Variants in STK39 observed in about 807,000 individuals in gnomAD.
STK39 encodes the protein STE20/SPS1-related proline-alanine-rich protein kinase.
Under a neutral mutation model 77.8 loss-of-function variants are expected in STK39, and 20 were observed. The observed-to-expected ratio is 0.26, with a 90% CI of 0.18 to 0.37. The LOEUF is 0.37. Among genes scored for constraint, STK39 ranks in the 10% least tolerant of loss-of-function variants. The pLI is 1.00. For missense variants in STK39, 479 were observed against 656.5 expected, an observed-to-expected ratio of 0.73 and a Z score of 2.95; for synonymous variants, 246 against 234.1, an observed-to-expected ratio of 1.05 and a Z score of -0.47.
intron 14 of STK39, among the ~76,000 whole-genome samples, chr2:168,047,610 T>C (rs1163459848): frequency 6.6e-6 from 1 of 152,142 alleles, no homozygotes; most frequent in Non-Finnish European, 1.5e-5. Context: ...GGCATGCTGG[T>C]AAATTCTCCA....
intron 14 of STK39, among the ~76,000 whole-genome samples, chr2:168,039,021 A>G (rs1685031849): frequency 1.3e-5 from 2 of 152,192 alleles, no homozygotes; most frequent in African/African-American, 4.8e-5. Flanking sequence ...TAACCCAGCC[A>G]TTGTACAACT....
intron 10 of STK39, among the ~76,000 whole-genome samples, chr2:168,105,431 C>A (rs1686944207): frequency 6.6e-6 from 1 of 152,216 alleles, no homozygotes; most frequent in South Asian, 2.1e-4. Flanking sequence ...AGATCAGACA[C>A]AATCTGAAAG....
chr2:167,998,148 C>T (rs964816227), intron 16 of STK39, among the ~76,000 whole-genome samples: 1 of 152,172 alleles, frequency 6.6e-6, no homozygotes, highest in Non-Finnish European at 1.5e-5. Flanking sequence ...TATCAGATGG[C>T]TTTACCAATG....
chr2:168,208,997 C>T (rs1227993827), intron 1 of STK39, among the ~76,000 whole-genome samples: 1 of 152,206 alleles, frequency 6.6e-6, no homozygotes, highest in Non-Finnish European at 1.5e-5. Flanking sequence ...CTCAGCCCAG[C>T]CTGACTGGTA....
chr2:168,096,417 G>C (rs2105442680), intron 10 of STK39, among the ~76,000 whole-genome samples: 1 of 152,202 alleles, frequency 6.6e-6, no homozygotes, highest in East Asian at 1.9e-4. Flanking sequence ...ACCTCATCAG[G>C]TTATTATGCA....
At chr2:168,074,548 G>C (rs1418531813) in intron 12 of STK39, among the ~76,000 whole-genome samples, 1 of 152,198 alleles carries the variant, frequency 6.6e-6, no homozygotes, top group Non-Finnish European at 1.5e-5. Context: ...ACTCAACCAA[G>C]AGTTTCTAAC....
chr2:168,173,555 A>ATT (rs150599656), intron 2 of STK39, among the ~76,000 whole-genome samples: 24 of 118,954 alleles, frequency 2.0e-4, no homozygotes, highest in African/African-American at 7.4e-4. Flanking sequence ...ATTTATATTT[A>ATT]TATTTATTTA....
intron 2 of STK39, among the ~76,000 whole-genome samples, chr2:168,178,414 T>A (rs887003222): frequency 6.6e-6 from 1 of 152,210 alleles, no homozygotes. Context: ...GCTATTCATA[T>A]CATACCAAGA....
intron 1 of STK39, among the ~76,000 whole-genome samples, chr2:168,205,450 T>C (rs1456077837): frequency 1.3e-5 from 2 of 152,146 alleles, no homozygotes; most frequent in African/African-American, 4.8e-5. Context: ...TACTTTATAA[T>C]ATTAAATCTT....
chr2:168,168,453 C>T (rs890630357), intron 2 of STK39, among the ~76,000 whole-genome samples: 5 of 152,120 alleles, frequency 3.3e-5, no homozygotes, highest in African/African-American at 1.2e-4. Flanking sequence ...AAAGAAACCT[C>T]ATTTTTGCCA....
intron 8 of STK39, among the ~76,000 whole-genome samples, chr2:168,130,277 T>C (rs1467125347): frequency 2.0e-5 from 3 of 152,202 alleles, no homozygotes; most frequent in Non-Finnish European, 2.9e-5. Context: ...TGAAGGTAAA[T>C]GCGATCGTGA....
At chr2:167,996,189 T>A (rs187505031) in intron 16 of STK39, among the ~76,000 whole-genome samples, 1 of 152,318 alleles carries the variant, frequency 6.6e-6, no homozygotes, top group African/African-American at 2.4e-5. Flanking sequence ...TCTTTTAAAT[T>A]TACTATCCAC....
chr2:168,033,294 T>C (rs904182360), intron 14 of STK39, among the ~76,000 whole-genome samples: 1 of 151,844 alleles, frequency 6.6e-6, no homozygotes, highest in Non-Finnish European at 1.5e-5. Flanking sequence ...TTGAGGTGCT[T>C]TGCAGGTCAG....
At chr2:168,033,342 A>G (rs1684874327) in intron 14 of STK39, among the ~76,000 whole-genome samples, 1 of 152,182 alleles carries the variant, frequency 6.6e-6, no homozygotes, top group Admixed American at 6.5e-5. Context: ...ATTAGGACAA[A>G]ATCTAAGAAA....
intron 8 of STK39, among the ~76,000 whole-genome samples, chr2:168,136,053 G>T (rs1298049663): frequency 6.6e-6 from 1 of 151,558 alleles, no homozygotes; most frequent in Middle Eastern, 3.2e-3. Flanking sequence ...ATAAAATCCG[G>T]AAAGACTTTC....
At chr2:168,163,196 A>G (rs1257567489) in intron 4 of STK39, among the ~76,000 whole-genome samples, 2 of 152,202 alleles carry the variant, frequency 1.3e-5, no homozygotes, top group African/African-American at 4.8e-5. Context: ...ATTCTATGTG[A>G]TTTGACTATG....
chr2:167,982,170 TTTG>T (rs773105711), intron 16 of STK39, among the ~76,000 whole-genome samples: 4 of 152,260 alleles, frequency 2.6e-5, no homozygotes, highest in Non-Finnish European at 5.9e-5. Context: ...CGTCCCAATA[TTTG>T]TTGTATGGTA....
Position 167,955,267 on chromosome 2 carries a change from T to G in STK39, c.*229A>C. 2.3e-6 allele frequency: 1 copy of G among 433,884 alleles called. No homozygotes were observed. The highest frequency in any genetic ancestry group is 4.2e-6 in the Non-Finnish European group (1 of 239,618). The allele number at this position is 433,884 out of a possible 1,614,324, so 26.9% of individuals were successfully genotyped here. ...GTCGTGCAGCTGTGGCATTTGCTTG[T>G]TCTTGTACTGTGGATTGCTAGAGAA... is the stretch of plus-strand genomic sequence containing the variant. On this transcript the variant is annotated 3_prime_UTR_variant, in exon 18 of 18. Coordinates refer to ENST00000355999, the MANE Select transcript of STK39 (RefSeq NM_013233.3).
intron 1 of STK39, among the ~76,000 whole-genome samples, chr2:168,219,618 T>C (rs560799367): frequency 1.3e-4 from 20 of 152,236 alleles, no homozygotes; most frequent in Non-Finnish European, 2.5e-4. Flanking sequence ...CATTCCTGAC[T>C]TTTTCTCCAA....
Sources: allele counts gnomAD v4.1 joint callset (sites outside exome capture counted in the v4.1 genomes callset), GRCh38; gene constraint gnomAD v4.1.1; transcripts MANE v1.5; gene names NCBI Gene and HGNC (gene_info 2026-07-23, HGNC 2026-07-21).